Variants in PRKAG2 observed in about 807,000 individuals in gnomAD.
The protein encoded by PRKAG2 is protein kinase AMP-activated non-catalytic subunit gamma 2, also known as 5'-AMP-activated protein kinase subunit gamma-2.
Under a neutral mutation model 69.6 loss-of-function variants are expected in PRKAG2, and 26 were observed. The observed-to-expected ratio is 0.37, with a 90% CI of 0.27 to 0.52. The LOEUF is 0.52. PRKAG2 is among the 20% of genes least tolerant of loss of function. The pLI is 0.90. For synonymous variants in PRKAG2, 293 were observed against 285.0 expected, an observed-to-expected ratio of 1.03 and a Z score of -0.28; for missense variants, 557 against 740.0, an observed-to-expected ratio of 0.75 and a Z score of 2.87.
chr7:151,778,702 C>T (rs148910363), intron 3 of PRKAG2, among the ~76,000 whole-genome samples: 35 of 152,296 alleles, frequency 2.3e-4, no homozygotes, highest in Middle Eastern at 3.4e-3. Flanking sequence ...ATCTCGCCAC[C>T]GCCCCAAAGC....
chr7:151,752,479 G>A (rs1246295708), intron 3 of PRKAG2, among the ~76,000 whole-genome samples: 5 of 152,256 alleles, frequency 3.3e-5, no homozygotes, highest in Admixed American at 1.3e-4. Context: ...GATGAAATAC[G>A]TGGGTGATGA....
In PRKAG2 at chr7:151,770,720, C is replaced by T. The variant is rs556997611; in HGVS notation, c.466+10432G>A. 3.3e-5 allele frequency among the ~76,000 whole-genome samples: 5 copies of T among 152,296 alleles called. No homozygotes were observed. In the East Asian group the frequency reaches 7.7e-4, roughly 24 times the overall value. On this transcript the variant is annotated intron_variant, in intron 3 of 15. Coordinates refer to ENST00000287878, the MANE Select transcript of PRKAG2 (RefSeq NM_016203.4). ...TTCTTATGGAGTGACCTACAAATAG[C>T]ACATGTATTGAAAACACATCAACCA...
chr7:151,702,701 T>A (rs560581489), intron 3 of PRKAG2, among the ~76,000 whole-genome samples: 1 of 152,308 alleles, frequency 6.6e-6, no homozygotes, highest in African/African-American at 2.4e-5. Context: ...AAACACCAAG[T>A]CCTGTTATTG....
chr7:151,639,190 A>G (rs1405581312), intron 4 of PRKAG2, among the ~76,000 whole-genome samples: 1 of 152,134 alleles, frequency 6.6e-6, no homozygotes, highest in African/African-American at 2.4e-5. Flanking sequence ...ACTGTGCCCC[A>G]GTCCTCTGGG....
chr7:151,602,330 A>G (rs983494439), intron 5 of PRKAG2, among the ~76,000 whole-genome samples: 4 of 152,248 alleles, frequency 2.6e-5, no homozygotes, highest in African/African-American at 9.6e-5. Flanking sequence ...AGGAAATCTC[A>G]GAAGATAATT....
intron 4 of PRKAG2, among the ~76,000 whole-genome samples, chr7:151,674,512 C>T (rs577609177): frequency 1.3e-5 from 2 of 152,148 alleles, no homozygotes; most frequent in Admixed American, 6.5e-5. Flanking sequence ...TGGGTACCTG[C>T]GGTAATTAAA....
chr7:151,823,037 C>T (rs1013007785), intron 1 of PRKAG2, among the ~76,000 whole-genome samples: 2 of 151,350 alleles, frequency 1.3e-5, no homozygotes, highest in Non-Finnish European at 3.0e-5. Context: ...CCACCCCACC[C>T]CACCCCACAG....
At chr7:151,842,670 G>A (rs1356203987) in intron 1 of PRKAG2, among the ~76,000 whole-genome samples, 4 of 149,202 alleles carry the variant, frequency 2.7e-5, no homozygotes, top group Non-Finnish European at 1.5e-5. Context: ...AGGGTAGGTA[G>A]TGATGATGGT....
At chr7:151,733,513 A>G (rs1238657738) in intron 3 of PRKAG2, among the ~76,000 whole-genome samples, 1 of 152,222 alleles carries the variant, frequency 6.6e-6, no homozygotes, top group African/African-American at 2.4e-5. Context: ...GGGCCTGTCC[A>G]TCCCCATTAG....
At chr7:151,665,762 A>G (rs1830964224) in intron 4 of PRKAG2, among the ~76,000 whole-genome samples, 1 of 152,228 alleles carries the variant, frequency 6.6e-6, no homozygotes, top group South Asian at 2.1e-4. Flanking sequence ...TGAGGTTGTA[A>G]GGGTATTTAA....
chr7:151,690,626 T>C (rs934710736), intron 3 of PRKAG2, among the ~76,000 whole-genome samples: 1 of 152,212 alleles, frequency 6.6e-6, no homozygotes, highest in Non-Finnish European at 1.5e-5. Context: ...ATTTTCTCTT[T>C]AGTGCCAGGT....
chr7:151,632,182 C>T lies in PRKAG2; in HGVS notation c.685-44G>A. The T allele has an allele frequency of 8.0e-7, 1 of 1,252,814 alleles. No homozygotes were observed. Among genetic ancestry groups the T allele is most frequent in the Non-Finnish European group, 1.0e-6 (1 of 989,070 alleles). 77.6% of individuals were successfully genotyped at this position (1,252,814 alleles called of 1,614,324 possible). A position where few individuals can be genotyped will look rare whatever the true frequency, so the allele number is the denominator to read the frequency against. On this transcript the variant is annotated intron_variant, in intron 4 of 15. Coordinates refer to ENST00000287878, the MANE Select transcript of PRKAG2 (RefSeq NM_016203.4). The surrounding 1 kb of genome is among the most constrained non-coding windows in gnomAD (Gnocchi z 4.2). ...ACAGCGATCAGCATGAGCTGCGACG[C>T]TCGTCCCCGGCCGGCGGGCTCGCGG...
intron 5 of PRKAG2, chr7:151,631,647 C>A (rs1359999626): frequency 2.2e-6 from 1 of 456,140 alleles, no homozygotes; most frequent in Non-Finnish European, 4.4e-6. Flanking sequence ...CCGGTCATAT[C>A]TTCACAGGCG....
At chr7:151,589,780 A>G (rs1585078927) in intron 6 of PRKAG2, among the ~76,000 whole-genome samples, 1 of 152,078 alleles carries the variant, frequency 6.6e-6, no homozygotes, top group Non-Finnish European at 1.5e-5. Context: ...CTAAAAATAC[A>G]AAAAATTAGC....
intron 6 of PRKAG2, among the ~76,000 whole-genome samples, chr7:151,584,426 T>C (rs1759844842): frequency 6.6e-6 from 1 of 151,844 alleles, no homozygotes. Context: ...CCTTGAACGC[T>C]GAAGTCACAC....
chr7:151,873,887 G>A (rs533134032), intron 1 of PRKAG2, among the ~76,000 whole-genome samples: 2 of 152,142 alleles, frequency 1.3e-5, no homozygotes, highest in Non-Finnish European at 2.9e-5. Flanking sequence ...CACACAAAAT[G>A]GCCCAACCAC....
chr7:151,573,160 G>GTTT lies in PRKAG2; in HGVS notation c.1006-454_1006-452dup, dbSNP rs770975155. ...ATATAGAGAAAAAAATGTATCTCAA[G>GTTT]TTTTTTTTTTTTTTTGAGACAAGGT... On this transcript the variant is annotated intron_variant, in intron 8 of 15. Transcript: ENST00000287878. Among the ~76,000 whole-genome samples the GTTT allele has an allele frequency of 6.8e-3, 958 of 139,874 alleles. 3 individuals carry two copies. Among genetic ancestry groups the GTTT allele is most frequent in the Non-Finnish European group, 8.2e-3 (527 of 64,230 alleles). The allele number at this position is 139,874 out of a possible 152,430, so 91.8% of individuals were successfully genotyped here.
intron 1 of PRKAG2, among the ~76,000 whole-genome samples, chr7:151,852,597 C>T (rs538621550): frequency 6.6e-6 from 1 of 152,018 alleles, no homozygotes; most frequent in Admixed American, 6.5e-5. Flanking sequence ...GTGGTAAGCA[C>T]CCCATTGTTA....
chr7:151,801,906 G>A (rs191044969), intron 1 of PRKAG2, among the ~76,000 whole-genome samples: 173 of 152,308 alleles, frequency 1.1e-3, no homozygotes, highest in Non-Finnish European at 1.9e-3. Context: ...GTTAAAAGTC[G>A]TCGTCTCTTG....
Sources: gnomAD v4.1 joint callset for allele counts (sites outside exome capture counted in the v4.1 genomes callset) on GRCh38, gnomAD v4.1.1 for gene constraint, Gnocchi (gnomAD v3.1) non-coding constraint, MANE v1.5 for transcripts, NCBI Gene and HGNC (gene_info 2026-07-23, HGNC 2026-07-21) for gene names.